GDPD5: variants seen among roughly 807,000 people sequenced by gnomAD.
GDPD5 encodes the protein glycerophosphodiester phosphodiesterase domain containing 5, also known as glycerophosphodiester phosphodiesterase 2.
A neutral mutation model predicts 75.1 loss-of-function variants in GDPD5; 48 were observed. The ratio of observed to expected loss-of-function variants is 0.64; its 90% CI spans 0.51 to 0.81. The LOEUF is 0.81. Among genes scored for constraint, GDPD5 ranks in the 40% least tolerant of loss-of-function variants. GDPD5 has a pLI of 0.00. For synonymous variants in GDPD5, 336 were observed against 339.0 expected (o/e 0.99, Z 0.10); for missense variants, 706 against 822.6 (o/e 0.86, Z 1.73).
chr11:75,436,876 T>G, intron 16 of GDPD5, 60 bp downstream of exon 16: 1 of 1,238,224 alleles, frequency 8.1e-7, no homozygotes, highest in Non-Finnish European at 1.2e-6. Context: ...TCTGTTTGCA[T>G]GTGGGGGTGC....
At chr11:75,510,037 G>A (rs551267459) in intron 1 of GDPD5, among the ~76,000 whole-genome samples, 117 of 152,312 alleles carry the variant, frequency 7.7e-4, no homozygotes, top group African/African-American at 2.1e-3. Flanking sequence ...TGCAGCATGC[G>A]CTCAATGCCA....
chr11:75,505,754 T>A (rs1468553746), intron 1 of GDPD5, among the ~76,000 whole-genome samples: 1 of 152,176 alleles, frequency 6.6e-6, no homozygotes, highest in Non-Finnish European at 1.5e-5. Context: ...AACCAACATG[T>A]GCCTGCACCT....
chr11:75,454,733 G>C (rs1428970166), intron 6 of GDPD5, among the ~76,000 whole-genome samples: 1 of 152,134 alleles, frequency 6.6e-6, no homozygotes, highest in Non-Finnish European at 1.5e-5. Flanking sequence ...AAAGAAAAAA[G>C]AAAAAGGAAA....
chr11:75,489,168 GA>G (rs1324727594), intron 2 of GDPD5, among the ~76,000 whole-genome samples: 5 of 108,270 alleles, frequency 4.6e-5, no homozygotes, highest in Non-Finnish European at 8.7e-5. Flanking sequence ...CCAATTTACA[GA>G]AAAAAAAATT....
intron 1 of GDPD5, among the ~76,000 whole-genome samples, chr11:75,507,410 C>T (rs1242326400): frequency 6.6e-6 from 1 of 152,256 alleles, no homozygotes. Context: ...AAAACTGAGG[C>T]CCAGAGGGAG....
chr11:75,475,174 T>C (rs1355331778), intron 3 of GDPD5, among the ~76,000 whole-genome samples: 2 of 152,228 alleles, frequency 1.3e-5, no homozygotes, highest in Non-Finnish European at 1.5e-5. Context: ...GAGAATAAAA[T>C]GCCTCGTGAC....
At chr11:75,446,650 CACAG>C (rs1465987837) in intron 9 of GDPD5, among the ~76,000 whole-genome samples, 3 of 152,210 alleles carry the variant, frequency 2.0e-5, no homozygotes, top group Non-Finnish European at 2.9e-5. Context: ...TCCAGGGACA[CACAG>C]ACAGTCTCCA....
In GDPD5 at chr11:75,477,695, A is replaced by G; in HGVS notation, c.41T>C (p.Leu14Pro). 1 of 1,597,234 alleles carries G rather than the reference A, an allele frequency of 6.3e-7. No homozygotes were observed. Among genetic ancestry groups the G allele is most frequent in the Non-Finnish European group, 8.6e-7 (1 of 1,167,358 alleles). Reference sequence around the variant, plus strand: ...GATGCCCGTGAGGCAGGAGAGGCACAGCTGTGGCTCGTAGTACTGCAGGGG... The same window carrying G: ...GATGCCCGTGAGGCAGGAGAGGCACGGCTGTGGCTCGTAGTACTGCAGGGG... The part of the protein sequence containing the change: ...HQPLQYYEPQ[L>P]CLSCLTGIYG... The change falls in exon 3 of 17, where the codon CTG (leucine) becomes CCG (proline). Residue 14 changes from leucine to proline, a missense_variant. Physicochemically the swap from Leu to Pro is moderately conservative, Grantham distance 98. Transcript: ENST00000336898.
chr11:75,477,569 G>T (rs1949805235), intron 3 of GDPD5, 50 bp downstream of exon 3: 1 of 1,242,840 alleles, frequency 8.0e-7, no homozygotes, highest in African/African-American at 1.5e-5. Context: ...AGCCCCTCAG[G>T]CTTGCTGGGG....
chr11:75,444,842 C>T (rs1306733191), intron 9 of GDPD5, among the ~76,000 whole-genome samples: 2 of 152,090 alleles, frequency 1.3e-5, no homozygotes, highest in African/African-American at 4.8e-5. Context: ...GACACTGGGG[C>T]TGGAGGGCTT....
At chr11:75,471,444 G>A (rs1949662558) in intron 3 of GDPD5, among the ~76,000 whole-genome samples, 1 of 152,164 alleles carries the variant, frequency 6.6e-6, no homozygotes, top group African/African-American at 2.4e-5. Flanking sequence ...TGCTTCTGCT[G>A]GGGTGCATTG....
At chr11:75,463,473 C>T (rs1949457832) in intron 3 of GDPD5, among the ~76,000 whole-genome samples, 1 of 152,172 alleles carries the variant, frequency 6.6e-6, no homozygotes, top group Non-Finnish European at 1.5e-5. Flanking sequence ...ACTGACACCA[C>T]CACTGCTGTT....
At chr11:75,441,386 C>T (rs1948797249) in intron 13 of GDPD5, 76 bp from the exon 14 acceptor site, 11 of 1,567,772 alleles carry the variant, frequency 7.0e-6, no homozygotes, top group African/African-American at 4.0e-5. Context: ...TGGTAAAGCA[C>T]GTCCTGTTCA....
chr11:75,495,142 C>CT (rs1226387157), intron 1 of GDPD5, among the ~76,000 whole-genome samples: 7 of 151,862 alleles, frequency 4.6e-5, no homozygotes, highest in African/African-American at 1.7e-4. Flanking sequence ...TGGCACGTGC[C>CT]TGTAGTCTCA....
chr11:75,512,736 T>C (rs1445488974), intron 1 of GDPD5, among the ~76,000 whole-genome samples: 2 of 151,828 alleles, frequency 1.3e-5, no homozygotes, highest in African/African-American at 4.8e-5. Flanking sequence ...ACCAACATGA[T>C]GAAACCCTGT....
At chr11:75,505,795 C>T (rs1341087114) in intron 1 of GDPD5, among the ~76,000 whole-genome samples, 1 of 152,180 alleles carries the variant, frequency 6.6e-6, no homozygotes, top group Non-Finnish European at 1.5e-5. Flanking sequence ...ATAATTCCTC[C>T]CTCAGTCCAG....
chr11:75,436,795 G>A (rs763203391), intron 16 of GDPD5, 141 bp downstream of exon 16: 4 of 640,170 alleles, frequency 6.2e-6, no homozygotes, highest in East Asian at 5.5e-5. Context: ...GTATAATCCC[G>A]GTGGGTTTAT....
intron 8 of GDPD5, 61 bp from the exon 9 acceptor site, chr11:75,449,183 T>C: frequency 3.3e-6 from 5 of 1,522,922 alleles, no homozygotes; most frequent in Non-Finnish European, 4.4e-6. Flanking sequence ...GGTGCAATGC[T>C]GGACCCCTCT....
intron 5 of GDPD5, 43 bp downstream of exon 5, chr11:75,457,650 C>A: frequency 6.4e-7 from 1 of 1,564,374 alleles, no homozygotes; most frequent in South Asian, 1.1e-5. Context: ...TATCCCTTCC[C>A]CTGGGAGCAG....
Sources: gnomAD v4.1 joint callset for allele counts (sites outside exome capture counted in the v4.1 genomes callset) on GRCh38, gnomAD v4.1.1 for gene constraint, MANE v1.5 for transcripts, NCBI Gene and HGNC (gene_info 2026-07-23, HGNC 2026-07-21) for gene names.